Variants in PDE10A observed in about 807,000 individuals in gnomAD.
PDE10A encodes the protein cAMP and cAMP-inhibited cGMP 3',5'-cyclic phosphodiesterase 10A.
Under a neutral mutation model 97.7 loss-of-function variants are expected in PDE10A, and 39 were observed. The ratio of observed to expected loss-of-function variants is 0.40; its 90% confidence interval spans 0.31 to 0.52. The LOEUF (loss-of-function observed/expected upper bound fraction) is 0.52, where lower values mean the gene tolerates loss of function less well. Among genes scored for constraint, PDE10A ranks in the 20% least tolerant of loss-of-function variants. The pLI is 0.56. For missense variants in PDE10A, 731 were observed against 1,047.8 expected, an observed-to-expected ratio of 0.70 and a Z score of 4.17; for synonymous variants, 371 against 376.8, an observed-to-expected ratio of 0.98 and a Z score of 0.18.
intron 1 of PDE10A, among the ~76,000 whole-genome samples, chr6:165,641,273 C>G (rs1402110234): frequency 6.6e-6 from 1 of 151,948 alleles, no homozygotes; most frequent in South Asian, 2.1e-4. Context: ...ATAAAAATAC[C>G]TAGAAATATG....
chr6:165,562,270 G>A lies in PDE10A; in HGVS notation c.866-18702C>T, dbSNP rs1583545397. Among the ~76,000 whole-genome samples the A allele has an allele frequency of 2.0e-5, 3 of 152,206 alleles. No homozygotes were observed. In the South Asian group the frequency reaches 6.2e-4, roughly 32 times the overall value. ...ATTTAAAGGGTATAATTCATATTAT[G>A]TATAAAATAGAATGTAGCCTGTTAT... is the stretch of plus-strand genomic sequence containing the variant. On this transcript the variant is annotated intron_variant, in intron 1 of 21. Transcript: ENST00000539869.
intron 18 of PDE10A, among the ~76,000 whole-genome samples, chr6:165,357,599 G>A (rs1464854488): frequency 3.3e-5 from 5 of 151,988 alleles, no homozygotes; most frequent in African/African-American, 9.7e-5. Flanking sequence ...AGTATAGTAA[G>A]CTGGATTTCT....
intron 1 of PDE10A, among the ~76,000 whole-genome samples, chr6:165,600,770 A>G (rs1006195272): frequency 2.0e-5 from 3 of 152,152 alleles, no homozygotes; most frequent in African/African-American, 7.2e-5. Flanking sequence ...ACACAAAGTA[A>G]TTGCCCTCAG....
At chr6:165,595,129 T>C (rs1786509410) in intron 1 of PDE10A, among the ~76,000 whole-genome samples, 1 of 152,154 alleles carries the variant, frequency 6.6e-6, no homozygotes. Context: ...AAGGCCCAGG[T>C]CCAGCCATGT....
chr6:165,829,007 A>T (rs1390204775), intron 1 of PDE10A, among the ~76,000 whole-genome samples: 1 of 152,218 alleles, frequency 6.6e-6, no homozygotes, highest in Non-Finnish European at 1.5e-5. Flanking sequence ...TTCCACTTTG[A>T]TTGGGCTGGT....
At chr6:165,694,717 C>T (rs542450410) in intron 1 of PDE10A, among the ~76,000 whole-genome samples, 1 of 152,292 alleles carries the variant, frequency 6.6e-6, no homozygotes, top group South Asian at 2.1e-4. Flanking sequence ...AAAAAATTCA[C>T]CCAGTAGCTT....
At position 165,329,717 on chromosome 6, in the gene PDE10A, T is replaced by C. The variant is rs759441929; in HGVS notation, c.*3308A>G. On this transcript the variant is annotated 3_prime_UTR_variant, in exon 22 of 22. Transcript: ENST00000539869. ...ATGCCAAAAAAGAGGAAATCTATTA[T>C]TGAACACATCTAGTTTCCAATTAGT... The C allele has an allele frequency of 1.3e-5, 2 of 152,240 alleles. No individual in the cohort carries two copies. Among genetic ancestry groups the C allele is most frequent in the Non-Finnish European group, 2.9e-5 (2 of 68,026 alleles). 9.4% of individuals were successfully genotyped at this position (152,240 alleles called of 1,614,324 possible).
rs115097702 is a variant in PDE10A, at chr6:165,685,341, G to A, written c.-614-141773C>T. On this transcript the variant is annotated intron_variant, in intron 1 of 19. Transcript: ENST00000366882. ...GATCAAAATGGTGGCTTGTGCAGATGAGTCAAATGGAAAGGCTATTAAATG... is the reference window on the plus strand; with the variant it reads ...GATCAAAATGGTGGCTTGTGCAGATAAGTCAAATGGAAAGGCTATTAAATG... 3.7e-3 allele frequency among the ~76,000 whole-genome samples: 565 copies of A among 151,994 alleles called. 2 individuals carry two copies. Among genetic ancestry groups the A allele is most frequent in the African/African-American group, 0.013 (541 of 41,460 alleles).
chr6:165,812,835 C>T (rs1303976978), intron 1 of PDE10A, among the ~76,000 whole-genome samples: 2 of 152,058 alleles, frequency 1.3e-5, no homozygotes, highest in African/African-American at 4.8e-5. Flanking sequence ...AAATTGACCC[C>T]GAGAGAGCTT....
intron 1 of PDE10A, among the ~76,000 whole-genome samples, chr6:165,853,497 G>A (rs138009777): frequency 6.6e-6 from 1 of 152,140 alleles, no homozygotes; most frequent in East Asian, 1.9e-4. Context: ...CTTTATATCA[G>A]AGTCATTCAC....
rs201688013 is a variant in PDE10A at position 165,697,208 on chromosome 6, GAA to G, written c.-614-153642_-614-153641del. 9.6e-3 allele frequency among the ~76,000 whole-genome samples: 1,459 copies of G among 152,078 alleles called. 21 individuals are homozygous for G. The highest frequency in any genetic ancestry group is 0.033 in the African/African-American group (1,387 of 41,470). On this transcript the variant is annotated intron_variant, in intron 1 of 19. Transcript: ENST00000366882. The stretch of plus-strand genomic sequence containing the variant: ...GTAGAATAAACTGAAAGAGAATCAG[GAA>G]AAGACATGCCATAGAAAAATGCTGA...
At chr6:165,534,981 T>C (rs574910802) in intron 2 of PDE10A, among the ~76,000 whole-genome samples, 1 of 152,136 alleles carries the variant, frequency 6.6e-6, no homozygotes, top group African/African-American at 2.4e-5. Context: ...AGTATCTAAT[T>C]GGAAAGGAAG....
At chr6:165,631,283 G>A (rs529400685) in intron 1 of PDE10A, among the ~76,000 whole-genome samples, 1 of 152,268 alleles carries the variant, frequency 6.6e-6, no homozygotes, top group South Asian at 2.1e-4. Context: ...ATTTTAACCT[G>A]TCTCAGTGAG....
chr6:165,971,303 C>G (rs1784666911), intron 1 of PDE10A, among the ~76,000 whole-genome samples: 1 of 152,236 alleles, frequency 6.6e-6, no homozygotes, highest in East Asian at 1.9e-4. Context: ...GCACCTCAAG[C>G]TGGAAGTTCA....
chr6:165,956,547 A>G (rs1489541053), intron 1 of PDE10A, among the ~76,000 whole-genome samples: 1 of 152,236 alleles, frequency 6.6e-6, no homozygotes, highest in African/African-American at 2.4e-5. Flanking sequence ...CACCTGCAGG[A>G]TCCAAATTTT....
chr6:165,713,950 C>A (rs1466066700), intron 1 of PDE10A, among the ~76,000 whole-genome samples: 1 of 152,210 alleles, frequency 6.6e-6, no homozygotes, highest in Non-Finnish European at 1.5e-5. Context: ...ACATGTCACA[C>A]ATTACAAAAT....
chr6:165,652,070 C>T (rs1376305900), intron 1 of PDE10A, among the ~76,000 whole-genome samples: 1 of 152,058 alleles, frequency 6.6e-6, no homozygotes, highest in Non-Finnish European at 1.5e-5. Flanking sequence ...CTTTAATCTG[C>T]CTTTAAAAAT....
intron 4 of PDE10A, among the ~76,000 whole-genome samples, chr6:165,449,239 CAT>C (rs1791097688): frequency 6.6e-6 from 1 of 152,166 alleles, no homozygotes; most frequent in Admixed American, 6.5e-5. Context: ...CACATAGTAA[CAT>C]ATTTGTTGAA....
At chr6:165,854,496 T>G (rs1204463932) in intron 1 of PDE10A, among the ~76,000 whole-genome samples, 2 of 152,080 alleles carry the variant, frequency 1.3e-5, no homozygotes, top group African/African-American at 4.8e-5. Flanking sequence ...TCCGGGCGGC[T>G]CTCGCGGCCA....
Sources: allele counts gnomAD v4.1 joint callset (sites outside exome capture counted in the v4.1 genomes callset), GRCh38; gene constraint gnomAD v4.1.1; transcripts MANE v1.5; gene names NCBI Gene and HGNC (gene_info 2026-07-23, HGNC 2026-07-21).